The following BCAR1 variants were observed in gnomAD, a reference collection of about 807,000 sequenced individuals.
The protein encoded by BCAR1 is BCAR1 scaffold protein, Cas family member.
A neutral mutation model predicts 67.6 loss-of-function variants in BCAR1; 30 were observed. That is an observed-to-expected ratio of 0.44 (90% CI 0.33 to 0.60). The LOEUF is 0.60. BCAR1 is among the 20% of genes least tolerant of loss of function. The pLI is 0.02. For missense variants in BCAR1, 1,313 were observed against 1,222.3 expected, an observed-to-expected ratio of 1.07 and a Z score of -1.11; for synonymous variants, 626 against 556.7, an observed-to-expected ratio of 1.12 and a Z score of -1.75.
In BCAR1 at chr16:75,235,690, G is replaced by A. The variant is rs746986272; in HGVS notation, c.1209C>T (p.Gly403=). The A allele has an allele frequency of 4.3e-6, 7 of 1,611,210 alleles. No homozygotes were observed. The highest frequency in any genetic ancestry group is 2.7e-5 in the African/African-American group (2 of 74,888). Residue 403 remains glycine, a synonymous_variant, in exon 5 of 7, where the codon GGC becomes GGT. Transcript: ENST00000162330. ...CCGCATACACACCACTGTCGACCAC[G>A]CCACCATCAGCCACCTCAGGAGGAA... The part of the protein sequence containing the change: ...RVLPPEVADG[G]VVDSGVYAVP...
chr16:75,244,204 C>A (rs947329767), intron 1 of BCAR1, among the ~76,000 whole-genome samples: 1 of 152,218 alleles, frequency 6.6e-6, no homozygotes, highest in Non-Finnish European at 1.5e-5. Context: ...AGTCTCCTGG[C>A]GTCTTAGATG....
In BCAR1 at chr16:75,229,364, T is replaced by C. The variant is rs2076812407; in HGVS notation, c.*147A>G. On this transcript the variant is annotated 3_prime_UTR_variant, in exon 7 of 7. Transcript: ENST00000162330. ...CACACCCTGCCCGGCCATAAATATA[T>C]ACAGATTCCTGGGCATCCAGGGCAC... 2 of 1,262,770 alleles carry C rather than the reference T, an allele frequency of 1.6e-6. No individual in the cohort carries two copies. The highest frequency in any genetic ancestry group is 2.1e-6 in the Non-Finnish European group (2 of 945,584). 78.2% of individuals were successfully genotyped at this position (1,262,770 alleles called of 1,614,324 possible).
rs1240794585 is a variant in BCAR1 at position 75,259,842 on chromosome 16, A to T, written c.66+8073T>A. 4.1e-5 allele frequency among the ~76,000 whole-genome samples: 5 copies of T among 121,960 alleles called. No individual in the cohort carries two copies. In the South Asian group the frequency reaches 1.1e-3, roughly 26 times the overall value. 80.0% of individuals were successfully genotyped at this position (121,960 alleles called of 152,430 possible). Reference sequence around the variant, plus strand: ...ACTACAGCTTGGGTGACAGAATGAGACTCCATCTAAAAAAAAAAAAAAAAA... The same window carrying T: ...ACTACAGCTTGGGTGACAGAATGAGTCTCCATCTAAAAAAAAAAAAAAAAA... On this transcript the variant is annotated intron_variant, in intron 1 of 6. Transcript: ENST00000393422.
chr16:75,267,909 A>G, intron 1 of BCAR1: 1 of 1,599,776 alleles, frequency 6.3e-7, no homozygotes, highest in Middle Eastern at 1.7e-4. Flanking sequence ...TAGAGCCCTC[A>G]CTTACTCTGA....
intron 2 of BCAR1, chr16:75,237,968 C>G (rs2077201070): frequency 1.7e-6 from 2 of 1,187,334 alleles, no homozygotes; most frequent in East Asian, 5.7e-5. Flanking sequence ...AAGGCCCCCT[C>G]CCTGCCGCGC....
chr16:75,237,550 C>A, intron 2 of BCAR1: 1 of 588,300 alleles, frequency 1.7e-6, no homozygotes, highest in Non-Finnish European at 2.7e-6. Flanking sequence ...GGCAAGAACT[C>A]TGGGTTTTAT....
At chr16:75,263,149 A>C in intron 1 of BCAR1, 1 of 948,868 alleles carries the variant, frequency 1.1e-6, no homozygotes, top group Non-Finnish European at 1.3e-6. Flanking sequence ...GAAGGGGCAC[A>C]GGAGGAGCTG....
intron 1 of BCAR1, among the ~76,000 whole-genome samples, chr16:75,261,029 C>T (rs1225548602): frequency 3.3e-5 from 5 of 152,340 alleles, no homozygotes; most frequent in African/African-American, 9.6e-5. Context: ...GAAAAACCTT[C>T]CCAGCCTCTA....
At chr16:75,267,945 G>C (rs1433932442) in exon 1 of BCAR1, 3 of 1,603,462 alleles carry the variant, frequency 1.9e-6, no homozygotes, top group Non-Finnish European at 2.5e-6. Flanking sequence ...GTGTGGGCCT[G>C]GGGGCAGCCA....
intron 2 of BCAR1, chr16:75,238,684 G>A (rs982550245): frequency 1.6e-5 from 16 of 985,826 alleles, no homozygotes; most frequent in Middle Eastern, 5.2e-4. Flanking sequence ...GGGTGTCCCC[G>A]CCCCCTTCCA....
chr16:75,267,397 G>T (rs1290418873), intron 1 of BCAR1, among the ~76,000 whole-genome samples: 1 of 144,370 alleles, frequency 6.9e-6, no homozygotes, highest in African/African-American at 2.9e-5. Context: ...AGCAAGCCGG[G>T]GGGGGGGTGG....
intron 1 of BCAR1, among the ~76,000 whole-genome samples, chr16:75,258,354 G>T (rs562895064): frequency 6.6e-6 from 1 of 152,344 alleles, no homozygotes; most frequent in East Asian, 1.9e-4. Flanking sequence ...GGCAGGCAGG[G>T]TCTCCTCTTG....
At chr16:75,244,917 C>T (rs2077468455) in intron 1 of BCAR1, among the ~76,000 whole-genome samples, 1 of 152,158 alleles carries the variant, frequency 6.6e-6, no homozygotes, top group Non-Finnish European at 1.5e-5. Context: ...AGGAAGACAC[C>T]AGAGATGTCT....
intron 1 of BCAR1, chr16:75,265,786 G>A (rs2077997356): frequency 8.4e-7 from 1 of 1,196,400 alleles, no homozygotes; most frequent in Non-Finnish European, 1.0e-6. Flanking sequence ...GCCGGGCGGG[G>A]GACAGCCGGC....
At chr16:75,250,447 A>C (rs2077643501) in intron 1 of BCAR1, among the ~76,000 whole-genome samples, 1 of 152,182 alleles carries the variant, frequency 6.6e-6, no homozygotes, top group African/African-American at 2.4e-5. Context: ...CTAGCAAAGA[A>C]GAGATCAACC....
intron 1 of BCAR1, chr16:75,250,579 G>C (rs2077649660): frequency 1.2e-5 from 11 of 946,028 alleles, no homozygotes; most frequent in Non-Finnish European, 1.1e-5. Context: ...TGCTGTCCCC[G>C]ATCTGGAACT....
At chr16:75,266,615 T>C (rs564169902) in intron 1 of BCAR1, 85 of 838,102 alleles carry the variant, frequency 1.0e-4, no homozygotes, top group South Asian at 3.8e-4. Context: ...CTGCAGCCAC[T>C]GGGCACGTGC....
chr16:75,242,431 T>C (rs774031641), intron 2 of BCAR1, 39 bp downstream of exon 2: 29 of 1,407,730 alleles, frequency 2.1e-5, no homozygotes, highest in South Asian at 1.2e-4. Context: ...GCCTGGGCTA[T>C]ACCTGTGTGG....
intron 5 of BCAR1, 117 bp from the exon 6 acceptor site, chr16:75,234,052 C>G: frequency 1.2e-6 from 1 of 851,904 alleles, no homozygotes; most frequent in South Asian, 1.5e-5. Flanking sequence ...CGTGTGCGCG[C>G]ACACACACGC....
Sources: gnomAD v4.1 joint callset for allele counts (sites outside exome capture counted in the v4.1 genomes callset) on GRCh38, gnomAD v4.1.1 for gene constraint, MANE v1.5 for transcripts, NCBI Gene and HGNC (gene_info 2026-07-23, HGNC 2026-07-21) for gene names.